Variants in NOBOX observed in about 807,000 individuals in gnomAD.
NOBOX encodes homeobox protein NOBOX.
NOBOX carries 46 observed loss-of-function variants against 60.2 expected under a neutral mutation model. The ratio of observed to expected loss-of-function variants is 0.76; its 90% CI spans 0.60 to 0.98. The LOEUF (loss-of-function observed/expected upper bound fraction) is 0.98. Among genes scored for constraint, NOBOX ranks in the 50% least tolerant of loss-of-function variants. The probability of loss-of-function intolerance (pLI) is 0.00; values close to 1 mark genes in which losing one functional copy is unlikely to be tolerated. For synonymous variants in NOBOX, 360 were observed against 346.3 expected (o/e 1.04, Z -0.44); for missense variants, 880 against 865.5 (o/e 1.02, Z -0.21).
chr7:144,400,446 T>C, intron 4 of NOBOX, 134 bp from the exon 3 acceptor site: 1 of 736,994 alleles, frequency 1.4e-6, no homozygotes, highest in Non-Finnish European at 2.2e-6. Flanking sequence ...CAAAGCCTTT[T>C]TCCTATTGGG....
chr7:144,403,121 C>T (rs2053955112), intron 2 of NOBOX, among the ~76,000 whole-genome samples: 1 of 152,156 alleles, frequency 6.6e-6, no homozygotes, highest in Admixed American at 6.5e-5. Flanking sequence ...TGTTCCAAGT[C>T]CTTTCCTAGG....
chr7:144,400,069 C>A, intron 5 of NOBOX, 137 bp downstream of exon 3: 2 of 1,585,178 alleles, frequency 1.3e-6, no homozygotes, highest in Non-Finnish European at 8.6e-7. Context: ...TGGAAACAGT[C>A]AGGGACACAG....
At position 144,401,556 on chromosome 7, in the gene NOBOX, C is replaced by A. The variant is rs767341487; in HGVS notation, c.334G>T (p.Glu112Ter). The change falls in exon 4 of 10, where the codon GAG becomes TAG. Residue 112 changes from glutamate to a stop codon, truncating the protein, a stop_gained. Transcript: ENST00000467773. LOFTEE classifies it high-confidence loss of function. This position sits in a 1 kb window ranked among gnomAD's most constrained non-coding sequence, Gnocchi z 4.2. ...GCTGAGCCCCGGAGCAGTTCCTCCT[C>A]CCCGGGTCCTGCAGCCAGGGGCTTC... The A allele has an allele frequency of 1.3e-6, 2 of 1,511,772 alleles. No individual in the cohort carries two copies. Among genetic ancestry groups the A allele is most frequent in the Non-Finnish European group, 1.8e-6 (2 of 1,136,120 alleles). The allele number at this position is 1,511,772 out of a possible 1,614,324, so 93.6% of individuals were successfully genotyped here.
At chr7:144,398,158 G>C in intron 9 of NOBOX, 124 bp downstream of exon 7, 2 of 830,382 alleles carry the variant, frequency 2.4e-6, no homozygotes, top group Non-Finnish European at 4.0e-6. Flanking sequence ...AGAACTAGGG[G>C]CAAACAGAAG....
chr7:144,399,255 C>A (rs1371502764), intron 7 of NOBOX, 77 bp from the exon 6 acceptor site: 3 of 936,566 alleles, frequency 3.2e-6, no homozygotes, highest in East Asian at 2.6e-5. Context: ...ATGGTAGACA[C>A]AAGCCATGCC....
chr7:144,403,140 T>C, intron 2 of NOBOX, among the ~76,000 whole-genome samples: 1 of 152,160 alleles, frequency 6.6e-6, no homozygotes, highest in South Asian at 2.1e-4. Context: ...GGACACAGGC[T>C]GGACCCGACT....
Position 144,400,243 on chromosome 7 carries a change from A to G in NOBOX, c.914T>C (p.Ile305Thr). 1 of 1,614,016 alleles carries G rather than the reference A, an allele frequency of 6.2e-7. No individual in the cohort carries two copies. The highest frequency in any genetic ancestry group is 1.1e-5 in the South Asian group (1 of 91,076). ...GGGGGTCACCCCCACCGTCTGGGCAATCTCTCGGCGTTTATCACTGTCAGG... is the reference window on the plus strand; with the variant it reads ...GGGGGTCACCCCCACCGTCTGGGCAGTCTCTCGGCGTTTATCACTGTCAGG... Residue 305 changes from isoleucine (I) to threonine (T), a missense_variant, in exon 5 of 10, where the codon ATT (isoleucine) becomes ACT (threonine). Transcript: ENST00000467773.
chr7:144,405,387 A>C (rs2053978502), intron 1 of NOBOX, among the ~76,000 whole-genome samples: 2 of 152,182 alleles, frequency 1.3e-5, no homozygotes, highest in South Asian at 4.1e-4. Flanking sequence ...TTGCTCACAG[A>C]AGCTTACTGG....
At position 144,397,285 on chromosome 7, in the gene NOBOX, T is replaced by A; in HGVS notation, c.2031A>T (p.Ala677=). The change falls in exon 10 of 10, where the codon GCA becomes GCT. Residue 677 remains alanine, a synonymous_variant. Coordinates refer to ENST00000467773, the MANE Select transcript of NOBOX (RefSeq NM_001080413.3). ...TGTCATCCCCTCTGGCCTCCTCCAG[T>A]GCTGAGGGCTGATCCAGGGAAGCAG... 2.6e-6 allele frequency: 4 copies of A among 1,537,178 alleles called. No homozygotes were observed. Among genetic ancestry groups the A allele is most frequent in the Non-Finnish European group, 3.5e-6 (4 of 1,146,846 alleles).
intron 1 of NOBOX, among the ~76,000 whole-genome samples, chr7:144,406,952 G>A (rs546342079): frequency 5.9e-5 from 9 of 152,060 alleles, no homozygotes; most frequent in African/African-American, 2.2e-4. Flanking sequence ...CTAGTTCATA[G>A]CCTAACTCAA....
intron 1 of NOBOX, among the ~76,000 whole-genome samples, chr7:144,406,628 T>C (rs1333548115): frequency 6.6e-6 from 1 of 151,998 alleles, no homozygotes; most frequent in East Asian, 1.9e-4. Flanking sequence ...ACAAATAATA[T>C]AGTTGGATGT....
rs370047503 is a variant in NOBOX at position 144,401,564 on chromosome 7, C to G, written c.326G>C (p.Gly109Ala). 41 of 1,510,256 alleles carry G rather than the reference C, an allele frequency of 2.7e-5. No individual in the cohort carries two copies. The highest frequency in any genetic ancestry group is 2.7e-5 in the Non-Finnish European group (31 of 1,135,748). The allele number at this position is 1,510,256 out of a possible 1,614,324, so 93.6% of individuals were successfully genotyped here. Reference sequence around the variant, plus strand: ...CCGGAGCAGTTCCTCCTCCCCGGGTCCTGCAGCCAGGGGCTTCTCTCCAGC... The same window carrying G: ...CCGGAGCAGTTCCTCCTCCCCGGGTGCTGCAGCCAGGGGCTTCTCTCCAGC... Residue 109 changes from glycine to alanine, a missense_variant, in exon 4 of 10, where the codon GGA becomes GCA. Coordinates refer to ENST00000467773, the MANE Select transcript of NOBOX (RefSeq NM_001080413.3). The surrounding 1 kb of genome is among the most constrained non-coding windows in gnomAD (Gnocchi z 4.2).
chr7:144,403,601 C>T (rs1015154451), intron 2 of NOBOX, 56 bp downstream of exon 1: 397 of 680,436 alleles, frequency 5.8e-4, no homozygotes, highest in Non-Finnish European at 8.5e-4. Flanking sequence ...AGGCCTCCCC[C>T]CCTCCCCGAA....
intron 1 of NOBOX, among the ~76,000 whole-genome samples, chr7:144,407,678 G>A (rs1175892055): frequency 6.6e-6 from 1 of 152,236 alleles, no homozygotes; most frequent in East Asian, 1.9e-4. Context: ...CTGCCCAGGG[G>A]CTTCCTTTGA....
rs572202548 is a variant in NOBOX at position 144,403,883 on chromosome 7, G to A, written c.210+673C>T. Among the ~76,000 whole-genome samples the A allele has an allele frequency of 1.3e-3, 197 of 152,020 alleles. 4 individuals are homozygous for A. Among genetic ancestry groups the A allele is most frequent in the Admixed American group, 0.012 (180 of 15,294 alleles). ...CGGCCCGGGAGGCTCGGCTGGGGCAGCTGCGAGGGCGGGGAGGACCCGGGC... is the reference window on the plus strand; with the variant it reads ...CGGCCCGGGAGGCTCGGCTGGGGCAACTGCGAGGGCGGGGAGGACCCGGGC... On this transcript the variant is annotated intron_variant, in intron 2 of 9. Coordinates refer to ENST00000467773, the MANE Select transcript of NOBOX (RefSeq NM_001080413.3).
intron 8 of NOBOX, 111 bp downstream of exon 6, chr7:144,398,839 T>A: frequency 1.5e-6 from 1 of 680,016 alleles, no homozygotes; most frequent in African/African-American, 1.8e-5. Context: ...CCTGTACCAC[T>A]CTGTGCTCCT....
In NOBOX at chr7:144,401,027, CCT is replaced by C; in HGVS notation, c.844+17_844+18del. 6.7e-7 allele frequency: 1 copy of C among 1,487,566 alleles called. No homozygotes were observed. Among genetic ancestry groups the C allele is most frequent in the Non-Finnish European group, 8.9e-7 (1 of 1,118,688 alleles). The allele number at this position is 1,487,566 out of a possible 1,614,324, so 92.1% of individuals were successfully genotyped here. ...GGATGACCCCAGATCTCTTCGGTTT[CCT>C]CTCTTTAGGGACTTACCTGAGCGGT... On this transcript the variant is annotated intron_variant, in intron 4 of 9. Transcript: ENST00000467773. The surrounding 1 kb of genome is among the most constrained non-coding windows in gnomAD (Gnocchi z 4.2).
rs767267730 is a variant in NOBOX, at chr7:144,398,981, T to C, written c.1438A>G (p.Lys480Glu). 6.4e-7 allele frequency: 1 copy of C among 1,570,958 alleles called. No individual in the cohort carries two copies. Among genetic ancestry groups the C allele is most frequent in the Non-Finnish European group, 8.6e-7 (1 of 1,157,792 alleles). The change falls in exon 8 of 10, where the codon AAG becomes GAG. Residue 480 changes from lysine (K) to glutamate (E), a missense_variant. Lys to Glu is a moderately conservative substitution (Grantham distance 56). Transcript: ENST00000467773. Reference sequence around the variant, plus strand: ...CCCCAGGACCCACAGGGGCCGTCCTTGTGGCTGCTGTCACTGCCAGCAACA... The same window carrying C: ...CCCCAGGACCCACAGGGGCCGTCCTCGTGGCTGCTGTCACTGCCAGCAACA...
At chr7:144,406,731 G>A (rs1471994417) in intron 1 of NOBOX, among the ~76,000 whole-genome samples, 2 of 152,206 alleles carry the variant, frequency 1.3e-5, no homozygotes, top group African/African-American at 4.8e-5. Flanking sequence ...GTTTTGTTGG[G>A]AAGGTGTTGT....
Sources: allele counts gnomAD v4.1 joint callset (sites outside exome capture counted in the v4.1 genomes callset), GRCh38; gene constraint gnomAD v4.1.1; non-coding constraint Gnocchi (gnomAD v3.1); transcripts MANE v1.5; gene names NCBI Gene and HGNC (gene_info 2026-07-23, HGNC 2026-07-21).